PCDH9: variants seen among roughly 807,000 people sequenced by gnomAD.
PCDH9 encodes protocadherin 9.
Under a neutral mutation model 70.6 loss-of-function variants are expected in PCDH9, and 24 were observed. That is an observed-to-expected ratio of 0.34 (90% CI 0.25 to 0.48). The LOEUF (loss-of-function observed/expected upper bound fraction) is 0.48, where lower values mean the gene tolerates loss of function less well. PCDH9 is among the 20% of genes least tolerant of loss of function. The pLI, the probability that PCDH9 is intolerant of heterozygous loss-of-function variation, is 0.99. For missense variants in PCDH9, 1,281 were observed against 1,503.6 expected (o/e 0.85, Z 2.45); for synonymous variants, 562 against 558.5 (o/e 1.01, Z -0.09).
chr13:67,148,725 A>G (rs1021302809), intron 2 of PCDH9, among the ~76,000 whole-genome samples: 5 of 152,206 alleles, frequency 3.3e-5, no homozygotes, highest in African/African-American at 7.2e-5. Context: ...TTTATTAACC[A>G]TTAAAAGCCT....
At chr13:66,745,323 C>G (rs988470286) in intron 3 of PCDH9, among the ~76,000 whole-genome samples, 1 of 152,160 alleles carries the variant, frequency 6.6e-6, no homozygotes, top group African/African-American at 2.4e-5. Flanking sequence ...CCCTAATACA[C>G]AGTTTCCTTC....
chr13:66,822,175 A>C (rs1298782142), intron 3 of PCDH9, among the ~76,000 whole-genome samples: 1 of 150,936 alleles, frequency 6.6e-6, no homozygotes, highest in Non-Finnish European at 1.5e-5. Flanking sequence ...TATAGACATA[A>C]CTACTAAGAT....
chr13:66,937,048 T>A (rs1464919806), intron 2 of PCDH9, among the ~76,000 whole-genome samples: 2 of 152,218 alleles, frequency 1.3e-5, no homozygotes, highest in Non-Finnish European at 2.9e-5. Context: ...TAAGTATGCA[T>A]GATCATCGTT....
chr13:66,475,925 C>T (rs1958718362), intron 4 of PCDH9, among the ~76,000 whole-genome samples: 1 of 152,054 alleles, frequency 6.6e-6, no homozygotes, highest in Non-Finnish European at 1.5e-5. Flanking sequence ...CCTAACTGAG[C>T]CCTGTCTTCC....
At chr13:66,693,450 G>C (rs2078516096) in intron 3 of PCDH9, among the ~76,000 whole-genome samples, 1 of 152,016 alleles carries the variant, frequency 6.6e-6, no homozygotes, top group African/African-American at 2.4e-5. Flanking sequence ...ATTGTGACTT[G>C]AATATGATAA....
intron 3 of PCDH9, among the ~76,000 whole-genome samples, chr13:66,655,263 T>C (rs1028859357): frequency 6.6e-6 from 1 of 152,098 alleles, no homozygotes; most frequent in Non-Finnish European, 1.5e-5. Context: ...AAACTCTTTT[T>C]CTGATCATGG....
At chr13:66,847,967 T>C (rs568255321) in intron 3 of PCDH9, among the ~76,000 whole-genome samples, 8 of 152,350 alleles carry the variant, frequency 5.3e-5, no homozygotes, top group Non-Finnish European at 8.8e-5. Context: ...AAATCTTTTA[T>C]AAGAGGAGCC....
chr13:66,320,113 A>C lies in PCDH9; in HGVS notation c.3341-15085T>G, dbSNP rs1250394249. On this transcript the variant is annotated intron_variant, in intron 4 of 4. Coordinates refer to ENST00000377865, the MANE Select transcript of PCDH9 (RefSeq NM_203487.3). ...TTCTATTGTCTTTAATATTTTAGTA[A>C]AAATTTTTGAAATGTGCTTTATATA... Among the ~76,000 whole-genome samples, 3 of 152,266 alleles carry C rather than the reference A, an allele frequency of 2.0e-5. No homozygotes were observed. In the East Asian group the frequency reaches 5.8e-4, roughly 29 times the overall value.
intron 2 of PCDH9, among the ~76,000 whole-genome samples, chr13:66,967,349 CTATT>C (rs772619070): frequency 6.6e-6 from 1 of 152,012 alleles, no homozygotes; most frequent in Non-Finnish European, 1.5e-5. Flanking sequence ...CCACATATAG[CTATT>C]TAAATTTAAA....
intron 4 of PCDH9, among the ~76,000 whole-genome samples, chr13:66,382,603 T>C (rs56332250): frequency 6.6e-6 from 1 of 152,262 alleles, no homozygotes; most frequent in East Asian, 1.9e-4. Context: ...CTACTTTTTA[T>C]TTTTAGGAAC....
chr13:66,391,738 G>A (rs1365755819), intron 4 of PCDH9, among the ~76,000 whole-genome samples: 1 of 151,786 alleles, frequency 6.6e-6, no homozygotes, highest in East Asian at 1.9e-4. Context: ...CAGTTTAAAG[G>A]GCTCAGTTTA....
intron 4 of PCDH9, among the ~76,000 whole-genome samples, chr13:66,376,329 A>G (rs1566279367): frequency 6.6e-6 from 1 of 152,050 alleles, no homozygotes; most frequent in East Asian, 1.9e-4. Flanking sequence ...CTGTTCCTCA[A>G]CTCTCACCAA....
intron 2 of PCDH9, among the ~76,000 whole-genome samples, chr13:67,066,945 C>G (rs1252640263): frequency 6.6e-6 from 1 of 152,168 alleles, no homozygotes; most frequent in Non-Finnish European, 1.5e-5. Flanking sequence ...CACAACACAT[C>G]CATATGAAAT....
chr13:67,020,665 T>C (rs2139859818), intron 2 of PCDH9, among the ~76,000 whole-genome samples: 1 of 152,288 alleles, frequency 6.6e-6, no homozygotes, highest in South Asian at 2.1e-4. Flanking sequence ...AAAAATGCCA[T>C]GTAGATTTCA....
At chr13:66,900,654 A>G (rs2082262102) in intron 3 of PCDH9, among the ~76,000 whole-genome samples, 1 of 151,812 alleles carries the variant, frequency 6.6e-6, no homozygotes, top group South Asian at 2.1e-4. Flanking sequence ...AATAATTAAA[A>G]GCTTGCTGGT....
At chr13:66,631,446 C>T (rs1304954199) in intron 3 of PCDH9, 35 bp from the exon 4 acceptor site, 8 of 1,238,496 alleles carry the variant, frequency 6.5e-6, no homozygotes, top group South Asian at 1.2e-5. Context: ...CTGATTAACA[C>T]TCCTCTCAAA....
At chr13:66,518,507 T>C (rs189728654) in intron 4 of PCDH9, among the ~76,000 whole-genome samples, 6 of 152,224 alleles carry the variant, frequency 3.9e-5, no homozygotes, top group Non-Finnish European at 7.4e-5. Flanking sequence ...AAACTCCTCC[T>C]CCTCGATAAA....
intron 3 of PCDH9, among the ~76,000 whole-genome samples, chr13:66,749,905 T>C (rs1032314120): frequency 1.3e-5 from 2 of 152,226 alleles, no homozygotes; most frequent in Non-Finnish European, 2.9e-5. Flanking sequence ...TGTATATACA[T>C]ACTTTCAAAC....
At position 66,634,012 on chromosome 13, in the gene PCDH9, A is replaced by G. The variant is rs115961100; in HGVS notation, c.3139-2601T>C. 3.5e-3 allele frequency among the ~76,000 whole-genome samples: 539 copies of G among 152,340 alleles called. 1 individual carries two copies. The highest frequency in any genetic ancestry group is 0.012 in the African/African-American group (516 of 41,580). The stretch of plus-strand genomic sequence containing the variant: ...ATTGTTTTCCAAAACTATTTCAAAT[A>G]TAGCTTATTAGAGTCTGTTTCACAT... On this transcript the variant is annotated intron_variant, in intron 3 of 4. Coordinates refer to ENST00000377865, the MANE Select transcript of PCDH9 (RefSeq NM_203487.3).
Sources: gnomAD v4.1 joint callset for allele counts (sites outside exome capture counted in the v4.1 genomes callset) on GRCh38, gnomAD v4.1.1 for gene constraint, MANE v1.5 for transcripts, NCBI Gene and HGNC (gene_info 2026-07-23, HGNC 2026-07-21) for gene names.